FOXN3: variants seen among roughly 807,000 people sequenced by gnomAD.
FOXN3 encodes the protein forkhead box N3.
In FOXN3, 7 loss-of-function variants were observed where a neutral mutation model predicts 38.4. The observed-to-expected ratio is 0.18, with a 90% CI of 0.10 to 0.34. The LOEUF (loss-of-function observed/expected upper bound fraction) is 0.34. Ranked by LOEUF, FOXN3 falls within the 10% of genes least tolerant of loss-of-function variation. FOXN3 has a pLI of 1.00. For missense variants in FOXN3, 456 were observed against 613.4 expected (o/e 0.74, Z 2.71); for synonymous variants, 230 against 242.2 (o/e 0.95, Z 0.47).
At chr14:89,408,682 C>G (rs923078708) in intron 2 of FOXN3, among the ~76,000 whole-genome samples, 1 of 151,484 alleles carries the variant, frequency 6.6e-6, no homozygotes, top group African/African-American at 2.4e-5. Flanking sequence ...CAGGATTCCA[C>G]ATTTTCACTG....
upstream of FOXN3, chr14:89,417,743 A>AATC (rs764641667): frequency 2.2e-6 from 1 of 455,932 alleles, no homozygotes; most frequent in South Asian, 1.5e-5. Context: ...GCGTCCTGAT[A>AATC]GGACCCCCAG....
chr14:89,200,122 G>C (rs921101408), intron 4 of FOXN3, among the ~76,000 whole-genome samples: 1 of 152,082 alleles, frequency 6.6e-6, no homozygotes, highest in African/African-American at 2.4e-5. Context: ...CTCCAAGTAA[G>C]CTCTACATTT....
chr14:89,417,071 G>A lies in FOXN3; in HGVS notation c.-215C>T, dbSNP rs1346100147. 6.9e-6 allele frequency: 1 copy of A among 144,158 alleles called. No individual in the cohort carries two copies. The highest frequency in any genetic ancestry group is 1.5e-5 in the Non-Finnish European group (1 of 64,970). The allele number at this position is 144,158 out of a possible 1,614,324, so 8.9% of individuals were successfully genotyped here. A position where few individuals can be genotyped will look rare whatever the true frequency, so the allele number is the denominator to read the frequency against. ...GGGCGCGGGGGTCGCGGCGCGGCAT[G>A]GGACCTGCGGCGTCCGCCGGGCGCG... On this transcript the variant is annotated 5_prime_UTR_variant, in exon 1 of 6. Coordinates refer to ENST00000557258, the MANE Select transcript of FOXN3 (RefSeq NM_005197.4).
chr14:89,421,692 A>C (rs1213517842), upstream of FOXN3, among the ~76,000 whole-genome samples: 1 of 146,936 alleles, frequency 6.8e-6, no homozygotes, highest in Non-Finnish European at 1.5e-5. Context: ...ACGCACGGCT[A>C]ATTTTTGTAT....
chr14:89,243,865 G>A (rs1206148125), intron 4 of FOXN3, among the ~76,000 whole-genome samples: 3 of 152,102 alleles, frequency 2.0e-5, no homozygotes, highest in Non-Finnish European at 4.4e-5. Context: ...CGTCTGCATC[G>A]CGCCCGCCAA....
At chr14:89,542,584 C>T (rs1247958942) in intron 1 of FOXN3, among the ~76,000 whole-genome samples, 2 of 152,220 alleles carry the variant, frequency 1.3e-5, no homozygotes, top group African/African-American at 2.4e-5. Flanking sequence ...AAACCACAAA[C>T]TACTTTCTGC....
At chr14:89,384,747 G>A (rs1191212444) in intron 2 of FOXN3, among the ~76,000 whole-genome samples, 2 of 152,168 alleles carry the variant, frequency 1.3e-5, no homozygotes, top group Non-Finnish European at 2.9e-5. Flanking sequence ...CCTGAGCAGG[G>A]AGAATCATGG....
At position 89,295,399 on chromosome 14, in the gene FOXN3, G is replaced by A. The variant is rs1027557559; in HGVS notation, c.681-14385C>T. 5.9e-5 allele frequency among the ~76,000 whole-genome samples: 9 copies of A among 152,312 alleles called. No individual in the cohort carries two copies. The East Asian group carries it at 9.6e-4, about 16-fold the overall frequency. ...CCTTATACCTTTAACCCACAGGTAT[G>A]TGTGTCTCACCTTACCTTGGCAGAC... On this transcript the variant is annotated intron_variant, in intron 3 of 5. Transcript: ENST00000557258.
intron 3 of FOXN3, among the ~76,000 whole-genome samples, chr14:89,313,101 T>A (rs2139962242): frequency 6.6e-6 from 1 of 152,290 alleles, no homozygotes; most frequent in East Asian, 1.9e-4. Context: ...AAGACCCAAC[T>A]GTTAGGATTT....
rs1000902565 is a variant in FOXN3, at chr14:89,157,943, A to C, written c.*4471T>G. On this transcript the variant is annotated 3_prime_UTR_variant, in exon 6 of 6. Transcript: ENST00000557258. ...GCAAAAAAAATCCTGAAGATGAAAGAAAAATACTTCTCTACAGAAACATAA... is the reference window on the plus strand; with the variant it reads ...GCAAAAAAAATCCTGAAGATGAAAGCAAAATACTTCTCTACAGAAACATAA... 1.3e-5 allele frequency: 2 copies of C among 152,624 alleles called. No homozygotes were observed. Among genetic ancestry groups the C allele is most frequent in the Non-Finnish European group, 2.9e-5 (2 of 68,024 alleles). The allele number at this position is 152,624 out of a possible 1,614,324, so 9.5% of individuals were successfully genotyped here.
Position 89,164,897 on chromosome 14 carries a change from T to C in FOXN3, c.852-1928A>G, listed in dbSNP as rs1255048637. ...AAAGGGGAAGGGAAAGAGTCCCTAA[T>C]GAAAAGGGTGCAGTAGGGAGTGAGG... On this transcript the variant is annotated intron_variant, in intron 5 of 5. Transcript: ENST00000557258. This position sits in a 1 kb window ranked among gnomAD's most constrained non-coding sequence, Gnocchi z 4.3. 6.6e-6 allele frequency among the ~76,000 whole-genome samples: 1 copy of C among 151,548 alleles called. No individual in the cohort carries two copies. Among genetic ancestry groups the C allele is most frequent in the African/African-American group, 2.4e-5 (1 of 41,232 alleles).
At chr14:89,540,515 G>A (rs560219838) in intron 1 of FOXN3, among the ~76,000 whole-genome samples, 3 of 152,226 alleles carry the variant, frequency 2.0e-5, no homozygotes, top group South Asian at 2.1e-4. Flanking sequence ...CGGGCGGATC[G>A]CGAGGTCAGG....
intron 2 of FOXN3, among the ~76,000 whole-genome samples, chr14:89,387,470 T>A (rs1252239097): frequency 6.6e-6 from 1 of 152,138 alleles, no homozygotes; most frequent in Non-Finnish European, 1.5e-5. Flanking sequence ...TAAAGCTCAT[T>A]AACAGTAATT....
upstream of FOXN3, chr14:89,419,189 C>G: frequency 4.4e-6 from 2 of 455,844 alleles, no homozygotes; most frequent in South Asian, 3.1e-5. Flanking sequence ...AAGGTGTCAC[C>G]CTGAAGAGGA....
intron 4 of FOXN3, among the ~76,000 whole-genome samples, chr14:89,232,305 C>T (rs993307724): frequency 1.3e-5 from 2 of 152,164 alleles, no homozygotes; most frequent in African/African-American, 2.4e-5. Flanking sequence ...ACAAACCGTT[C>T]GCCTATACAT....
chr14:89,511,186 TTTC>T lies in FOXN3; in HGVS notation c.-14-98699_-14-98697del, dbSNP rs1172675922. On this transcript the variant is annotated intron_variant, in intron 1 of 6. Transcript: ENST00000345097. ...CTTTCTTTCTTTCTTTCTTTCTTTC[TTTC>T]TTTTCTTTCTTTCTTTTCTTTCTTT... Among the ~76,000 whole-genome samples, 4 of 19,800 alleles carry T rather than the reference TTTC, an allele frequency of 2.0e-4. 1 individual carries two copies. The highest frequency in any genetic ancestry group is 3.8e-4 in the African/African-American group (4 of 10,644). The allele number at this position is 19,800 out of a possible 152,430, so 13.0% of individuals were successfully genotyped here. A position where few individuals can be genotyped will look rare whatever the true frequency, so the allele number is the denominator to read the frequency against.
At chr14:89,304,530 C>T (rs992417201) in intron 3 of FOXN3, among the ~76,000 whole-genome samples, 1 of 152,094 alleles carries the variant, frequency 6.6e-6, no homozygotes. Flanking sequence ...TTAAAAATAT[C>T]TAAGGGCTGT....
intron 5 of FOXN3, among the ~76,000 whole-genome samples, chr14:89,165,416 G>C (rs900877461): frequency 1.3e-5 from 2 of 152,178 alleles, no homozygotes; most frequent in Non-Finnish European, 2.9e-5. Context: ...GCGACTTCCT[G>C]CTGCTGTGAC....
At chr14:89,356,048 AAAAAAAG>A (rs1224721096) in intron 2 of FOXN3, among the ~76,000 whole-genome samples, 50 of 152,284 alleles carry the variant, frequency 3.3e-4, no homozygotes, top group African/African-American at 7.7e-4. Flanking sequence ...ATGAAAAGAA[AAAAAAAG>A]AAAAAAGAAA....
Sources: gnomAD v4.1 joint callset for allele counts (sites outside exome capture counted in the v4.1 genomes callset) on GRCh38, gnomAD v4.1.1 for gene constraint, Gnocchi (gnomAD v3.1) non-coding constraint, MANE v1.5 for transcripts, NCBI Gene and HGNC (gene_info 2026-07-23, HGNC 2026-07-21) for gene names.